CDH10: variants seen among roughly 807,000 people sequenced by gnomAD.
CDH10 encodes cadherin 10.
CDH10 carries 30 observed loss-of-function variants against 73.1 expected under a neutral mutation model. The observed-to-expected ratio is 0.41, with a 90% CI of 0.31 to 0.56. CDH10 has a LOEUF of 0.56. CDH10 is among the 20% of genes least tolerant of loss of function. The pLI, the probability that CDH10 is intolerant of heterozygous loss-of-function variation, is 0.27. For synonymous variants in CDH10, 345 were observed against 348.2 expected (o/e 0.99, Z 0.10); for missense variants, 815 against 973.7 (o/e 0.84, Z 2.17).
intron 5 of CDH10, among the ~76,000 whole-genome samples, chr5:24,520,572 A>C (rs993178917): frequency 6.6e-6 from 1 of 152,340 alleles, no homozygotes; most frequent in Middle Eastern, 3.4e-3. Context: ...ACTCTGGACT[A>C]TCTAAAAGGA....
At chr5:24,549,725 T>C (rs998082265) in intron 2 of CDH10, among the ~76,000 whole-genome samples, 6 of 151,968 alleles carry the variant, frequency 3.9e-5, no homozygotes, top group African/African-American at 1.4e-4. Flanking sequence ...CTAATTTTTG[T>C]GTTTTTAGTA....
At chr5:24,542,433 G>T (rs1055529449) in intron 2 of CDH10, among the ~76,000 whole-genome samples, 1 of 152,022 alleles carries the variant, frequency 6.6e-6, no homozygotes, top group Non-Finnish European at 1.5e-5. Context: ...TTAGATATAC[G>T]AAGACTTATC....
intron 2 of CDH10, among the ~76,000 whole-genome samples, chr5:24,545,996 T>C (rs1034949369): frequency 3.3e-5 from 5 of 152,072 alleles, no homozygotes; most frequent in Admixed American, 6.6e-5. Context: ...AAGGTATAGG[T>C]TGACAAATAC....
At chr5:24,525,469 T>A (rs1328635858) in intron 5 of CDH10, among the ~76,000 whole-genome samples, 1 of 152,138 alleles carries the variant, frequency 6.6e-6, no homozygotes, top group African/African-American at 2.4e-5. Flanking sequence ...AATGTCATAA[T>A]TATGCACGTT....
chr5:24,621,790 T>C (rs538513287), intron 1 of CDH10, among the ~76,000 whole-genome samples: 39 of 152,158 alleles, frequency 2.6e-4, no homozygotes, highest in Non-Finnish European at 5.6e-4. Flanking sequence ...CACATATAAT[T>C]CATTTATATG....
intron 2 of CDH10, among the ~76,000 whole-genome samples, chr5:24,586,183 C>T (rs1430756181): frequency 6.6e-6 from 1 of 152,102 alleles, no homozygotes; most frequent in Non-Finnish European, 1.5e-5. Context: ...TAGGATTTAA[C>T]ATTTTAATTC....
At chr5:24,567,332 A>C (rs1359989696) in intron 2 of CDH10, among the ~76,000 whole-genome samples, 1 of 151,528 alleles carries the variant, frequency 6.6e-6, no homozygotes, top group East Asian at 1.9e-4. Flanking sequence ...ATGACCCAGA[A>C]CTCCATTTCT....
chr5:24,642,442 A>AGTTTC (rs1748083943), intron 1 of CDH10, among the ~76,000 whole-genome samples: 1 of 152,162 alleles, frequency 6.6e-6, no homozygotes, highest in Non-Finnish European at 1.5e-5. Context: ...TAACCTTTCC[A>AGTTTC]GTTTCAAGTA....
intron 1 of CDH10, among the ~76,000 whole-genome samples, chr5:24,595,890 G>T (rs1207935691): frequency 6.6e-6 from 1 of 151,840 alleles, no homozygotes; most frequent in African/African-American, 2.4e-5. Flanking sequence ...AGCTATAAAA[G>T]TTGCTATTGA....
chr5:24,618,647 C>T (rs561253465), intron 1 of CDH10, among the ~76,000 whole-genome samples: 3 of 152,086 alleles, frequency 2.0e-5, no homozygotes, highest in African/African-American at 7.2e-5. Context: ...CAGTAACTGG[C>T]GCTGGTCACT....
Position 24,498,532 on chromosome 5 carries a change from A to G in CDH10, c.1394-13T>C, listed in dbSNP as rs2111686020. On this transcript the variant is annotated splice_polypyrimidine_tract_variant and intron_variant, in intron 8 of 11. Coordinates refer to ENST00000264463, the MANE Select transcript of CDH10 (RefSeq NM_006727.5). The stretch of plus-strand genomic sequence containing the variant: ...TCTTTGGGATTGTCTGGAAAAGGGG[A>G]AGAAAAATATTGTTTAGGAAGATAA... The G allele has an allele frequency of 2.5e-6, 4 of 1,588,420 alleles. No individual in the cohort carries two copies. The highest frequency in any genetic ancestry group is 3.5e-6 in the Non-Finnish European group (4 of 1,158,972).
chr5:24,623,913 T>C (rs1747399276), intron 1 of CDH10, among the ~76,000 whole-genome samples: 1 of 152,210 alleles, frequency 6.6e-6, no homozygotes, highest in South Asian at 2.1e-4. Flanking sequence ...TTCTGAACTG[T>C]ACCTTATCTA....
intron 2 of CDH10, among the ~76,000 whole-genome samples, chr5:24,541,697 CA>C (rs1363906907): frequency 6.6e-6 from 1 of 152,072 alleles, no homozygotes; most frequent in African/African-American, 2.4e-5. Flanking sequence ...TTTAGTTCCT[CA>C]GTAACACCTG....
rs1561163339 is a variant in CDH10, at chr5:24,560,214, G to GTGTA, written c.232-22541_232-22540insTACA. The stretch of plus-strand genomic sequence containing the variant: ...AATATTTGCAATTGTGTGTGTGTGT[G>GTGTA]TGTGTGTGTGTGTGTGTGTGTGTGT... On this transcript the variant is annotated intron_variant, in intron 2 of 11. Coordinates refer to ENST00000264463, the MANE Select transcript of CDH10 (RefSeq NM_006727.5). 9.3e-3 allele frequency among the ~76,000 whole-genome samples: 1,324 copies of GTGTA among 141,930 alleles called. 23 individuals carry two copies. Among genetic ancestry groups the GTGTA allele is most frequent in the African/African-American group, 0.031 (1,229 of 39,488 alleles). The allele number at this position is 141,930 out of a possible 152,430, so 93.1% of individuals were successfully genotyped here. A position where few individuals can be genotyped will look rare whatever the true frequency, so the allele number is the denominator to read the frequency against.
At chr5:24,530,280 C>G (rs764703054) in intron 5 of CDH10, among the ~76,000 whole-genome samples, 1 of 151,670 alleles carries the variant, frequency 6.6e-6, no homozygotes, top group Non-Finnish European at 1.5e-5. Flanking sequence ...AGATGAAAAT[C>G]AATATTGTAA....
At chr5:24,528,667 C>A (rs73067136) in intron 5 of CDH10, among the ~76,000 whole-genome samples, 1 of 151,956 alleles carries the variant, frequency 6.6e-6, no homozygotes, top group Non-Finnish European at 1.5e-5. Flanking sequence ...TATGATTTAC[C>A]TGTCTCTGTA....
intron 5 of CDH10, among the ~76,000 whole-genome samples, chr5:24,531,646 C>T (rs1214436801): frequency 6.6e-6 from 1 of 152,114 alleles, no homozygotes; most frequent in Non-Finnish European, 1.5e-5. Context: ...GACTTATTCA[C>T]TATCACAAGA....
chr5:24,548,141 T>C (rs1744407992), intron 2 of CDH10, among the ~76,000 whole-genome samples: 1 of 151,844 alleles, frequency 6.6e-6, no homozygotes, highest in South Asian at 2.1e-4. Flanking sequence ...CTCTTTTTTT[T>C]TTCTGAGACT....
intron 1 of CDH10, among the ~76,000 whole-genome samples, chr5:24,607,228 C>A (rs10054106): frequency 1.5e-4 from 23 of 151,868 alleles, no homozygotes; most frequent in Admixed American, 7.9e-4. Flanking sequence ...TTGATGCCGA[C>A]GCCTGCAGCA....
Sources: allele counts gnomAD v4.1 joint callset (sites outside exome capture counted in the v4.1 genomes callset), GRCh38; gene constraint gnomAD v4.1.1; transcripts MANE v1.5; gene names NCBI Gene and HGNC (gene_info 2026-07-23, HGNC 2026-07-21).